Variants in SPOCK1 observed in about 807,000 individuals in gnomAD.
SPOCK1 encodes SPARC (osteonectin), cwcv and kazal like domains proteoglycan 1.
A neutral mutation model predicts 55.3 loss-of-function variants in SPOCK1; 23 were observed. That is an observed-to-expected ratio of 0.42 (90% CI 0.30 to 0.59). SPOCK1 has a LOEUF of 0.59. SPOCK1 is among the 20% of genes least tolerant of loss of function. The pLI, the probability that SPOCK1 is intolerant of heterozygous loss-of-function variation, is 0.22. For synonymous variants in SPOCK1, 226 were observed against 221.0 expected (o/e 1.02, Z -0.20); for missense variants, 499 against 552.5 (o/e 0.90, Z 0.97).
intron 2 of SPOCK1, among the ~76,000 whole-genome samples, chr5:137,485,574 T>C (rs746983350): frequency 2.6e-5 from 4 of 152,168 alleles, no homozygotes; most frequent in Non-Finnish European, 5.9e-5. Context: ...GGTGTGTACC[T>C]GAGAAAAATG....
intron 2 of SPOCK1, among the ~76,000 whole-genome samples, chr5:137,352,498 A>C (rs751780403): frequency 2.0e-4 from 30 of 152,318 alleles, no homozygotes; most frequent in Non-Finnish European, 3.8e-4. Context: ...AGTTGTTATC[A>C]ATCTTTTTTG....
intron 9 of SPOCK1, among the ~76,000 whole-genome samples, chr5:136,982,304 TTACC>T (rs1160456235): frequency 6.6e-6 from 1 of 152,184 alleles, no homozygotes; most frequent in African/African-American, 2.4e-5. Context: ...AAAAGAGTAT[TTACC>T]CTCATTTAAT....
At chr5:137,031,937 TATGTGTGTGTATATTATATATATGC>T (rs1297654997) in intron 6 of SPOCK1, among the ~76,000 whole-genome samples, 1 of 150,440 alleles carries the variant, frequency 6.6e-6, no homozygotes, top group African/African-American at 2.4e-5. Flanking sequence ...CATACATACA[TATGTGTGTGTATATTATATATATGC>T]ATGTGTGTGT....
At chr5:137,138,417 T>C (rs765667756) in intron 4 of SPOCK1, among the ~76,000 whole-genome samples, 2 of 152,008 alleles carry the variant, frequency 1.3e-5, no homozygotes, top group Non-Finnish European at 2.9e-5. Context: ...AAACCAAAAA[T>C]GTCTTGTCTA....
intron 3 of SPOCK1, among the ~76,000 whole-genome samples, chr5:137,155,624 A>T (rs962929337): frequency 6.6e-6 from 1 of 152,230 alleles, no homozygotes; most frequent in East Asian, 1.9e-4. Flanking sequence ...TTGGCACCAG[A>T]TCCCACTGGC....
chr5:136,992,148 A>G (rs1750960300), intron 7 of SPOCK1, among the ~76,000 whole-genome samples: 2 of 152,240 alleles, frequency 1.3e-5, no homozygotes, highest in African/African-American at 4.8e-5. Context: ...AAAGATAGTC[A>G]CATTTCTACA....
At chr5:137,350,423 G>A (rs1223378758) in intron 2 of SPOCK1, among the ~76,000 whole-genome samples, 3 of 152,210 alleles carry the variant, frequency 2.0e-5, no homozygotes, top group Non-Finnish European at 4.4e-5. Flanking sequence ...AGGCTTGGCT[G>A]AGCAAGGCTT....
At chr5:137,378,098 C>T (rs1051822290) in intron 2 of SPOCK1, among the ~76,000 whole-genome samples, 1 of 152,146 alleles carries the variant, frequency 6.6e-6, no homozygotes, top group African/African-American at 2.4e-5. Flanking sequence ...GCATGCACCA[C>T]CACATCCGGC....
At chr5:137,421,572 G>C (rs1752495969) in intron 2 of SPOCK1, among the ~76,000 whole-genome samples, 1 of 152,066 alleles carries the variant, frequency 6.6e-6, no homozygotes, top group Admixed American at 6.6e-5. Context: ...TGTCTCTTTT[G>C]ATCTTTGTTG....
intron 3 of SPOCK1, among the ~76,000 whole-genome samples, chr5:137,232,704 T>A (rs979905095): frequency 6.6e-6 from 1 of 152,236 alleles, no homozygotes; most frequent in African/African-American, 2.4e-5. Context: ...AATAACCTTA[T>A]CCATGTTTAC....
At chr5:137,235,086 C>T (rs1561479853) in intron 3 of SPOCK1, among the ~76,000 whole-genome samples, 2 of 152,324 alleles carry the variant, frequency 1.3e-5, no homozygotes, top group Admixed American at 6.5e-5. Flanking sequence ...GGGGACCAGA[C>T]ATTTGGGGCT....
intron 3 of SPOCK1, among the ~76,000 whole-genome samples, chr5:137,150,467 T>G (rs1482466581): frequency 6.6e-6 from 1 of 152,164 alleles, no homozygotes; most frequent in Non-Finnish European, 1.5e-5. Context: ...CTCTGTGGGC[T>G]TTGAAATGTC....
chr5:137,202,154 C>T (rs1436900263), intron 3 of SPOCK1, among the ~76,000 whole-genome samples: 1 of 152,184 alleles, frequency 6.6e-6, no homozygotes, highest in Non-Finnish European at 1.5e-5. Flanking sequence ...TCTTATGACT[C>T]GGCCTCTAGG....
chr5:137,330,638 T>C (rs929780816), intron 2 of SPOCK1, among the ~76,000 whole-genome samples: 1 of 152,236 alleles, frequency 6.6e-6, no homozygotes, highest in African/African-American at 2.4e-5. Context: ...CAAACTACTA[T>C]GTGCCAGACA....
intron 6 of SPOCK1, among the ~76,000 whole-genome samples, chr5:137,065,072 AC>A (rs1403814392): frequency 6.6e-6 from 1 of 152,048 alleles, no homozygotes. Flanking sequence ...TACTAAAAAT[AC>A]AAAAATCAGC....
intron 3 of SPOCK1, among the ~76,000 whole-genome samples, chr5:137,237,808 TC>T (rs1428303074): frequency 1.3e-5 from 2 of 152,176 alleles, no homozygotes; most frequent in Non-Finnish European, 2.9e-5. Flanking sequence ...TTCCCTGAGT[TC>T]CTGCTGCAGC....
chr5:137,053,488 T>C (rs757713623), intron 6 of SPOCK1, among the ~76,000 whole-genome samples: 4 of 152,048 alleles, frequency 2.6e-5, no homozygotes, highest in Non-Finnish European at 5.9e-5. Flanking sequence ...TTAGAAAATG[T>C]GTTTAGCTGC....
chr5:137,253,417 A>G (rs1756575142), intron 3 of SPOCK1, among the ~76,000 whole-genome samples: 1 of 152,246 alleles, frequency 6.6e-6, no homozygotes, highest in African/African-American at 2.4e-5. Flanking sequence ...TAACTTTGGT[A>G]AACTGAATCT....
chr5:137,236,033 A>G (rs542576991), intron 3 of SPOCK1, among the ~76,000 whole-genome samples: 6 of 152,336 alleles, frequency 3.9e-5, no homozygotes, highest in South Asian at 4.1e-4. Context: ...CGTCCCTCCC[A>G]GGGCGGTGGG....
Sources: gnomAD v4.1 joint callset for allele counts (sites outside exome capture counted in the v4.1 genomes callset) on GRCh38, gnomAD v4.1.1 for gene constraint, MANE v1.5 for transcripts, NCBI Gene and HGNC (gene_info 2026-07-23, HGNC 2026-07-21) for gene names.